Variants in SUPT3H observed in about 807,000 individuals in gnomAD.
SUPT3H encodes transcription initiation protein SPT3 homolog.
SUPT3H carries 44 observed loss-of-function variants against 44.3 expected under a neutral mutation model. That is an observed-to-expected ratio of 0.99 (90% confidence interval 0.78 to 1.28). The LOEUF (loss-of-function observed/expected upper bound fraction) is 1.28, where lower values mean the gene tolerates loss of function less well. SUPT3H is among the 50% of genes most tolerant of loss of function. The pLI is 0.00. For missense variants in SUPT3H, 380 were observed against 387.1 expected (o/e 0.98, Z 0.15); for synonymous variants, 124 against 125.6 (o/e 0.99, Z 0.09).
rs950532359 is a variant in SUPT3H, at chr6:45,288,736, A to G, written c.101+76465T>C. 2.7e-5 allele frequency among the ~76,000 whole-genome samples: 4 copies of G among 150,860 alleles called. No homozygotes were observed. In the East Asian group the frequency reaches 7.8e-4, roughly 29 times the overall value. On this transcript the variant is annotated intron_variant, in intron 2 of 10. Coordinates refer to ENST00000371459, the MANE Select transcript of SUPT3H (RefSeq NM_003599.4). Reference sequence around the variant, plus strand: ...CTGTGGGATACTTTAATATATTCTAAATATTCACCGTTTGATAAAGACAAA... The same window carrying G: ...CTGTGGGATACTTTAATATATTCTAGATATTCACCGTTTGATAAAGACAAA...
intron 10 of SUPT3H, among the ~76,000 whole-genome samples, chr6:44,901,402 C>G (rs1003628439): frequency 6.6e-6 from 1 of 151,962 alleles, no homozygotes; most frequent in African/African-American, 2.4e-5. Flanking sequence ...CCGATATGAT[C>G]GACTGGAAGA....
chr6:45,353,601 C>A (rs1026138093), intron 2 of SUPT3H, among the ~76,000 whole-genome samples: 1 of 151,904 alleles, frequency 6.6e-6, no homozygotes, highest in African/African-American at 2.4e-5. Context: ...TAACTTAGAA[C>A]CCTCCCTGAC....
chr6:44,879,055 C>G (rs919588637), intron 10 of SUPT3H, among the ~76,000 whole-genome samples: 1 of 152,128 alleles, frequency 6.6e-6, no homozygotes, highest in Non-Finnish European at 1.5e-5. Context: ...CCAGTGACAC[C>G]TGGAATGCCA....
intron 2 of SUPT3H, among the ~76,000 whole-genome samples, chr6:45,169,950 A>G (rs1299675066): frequency 3.3e-5 from 5 of 152,184 alleles, no homozygotes; most frequent in Admixed American, 3.3e-4. Flanking sequence ...TTTACTTTTG[A>G]GTCTGGCAGC....
chr6:45,330,393 C>T (rs1434746899), intron 2 of SUPT3H, among the ~76,000 whole-genome samples: 1 of 151,938 alleles, frequency 6.6e-6, no homozygotes, highest in Non-Finnish European at 1.5e-5. Context: ...TACTGTTACA[C>T]AGAGGGATAA....
intron 2 of SUPT3H, among the ~76,000 whole-genome samples, chr6:45,142,764 A>AAAAAAAAAG (rs1805441110): frequency 2.4e-5 from 3 of 127,032 alleles, no homozygotes; most frequent in African/African-American, 5.8e-5. Context: ...AAAAAAAAAA[A>AAAAAAAAAG]GCAGAATGGC....
chr6:45,014,958 T>C, intron 4 of SUPT3H, 67 bp from the exon 5 acceptor site: 1 of 907,924 alleles, frequency 1.1e-6, no homozygotes, highest in South Asian at 2.6e-5. Flanking sequence ...GATTAAAGAC[T>C]ACTATAACCA....
chr6:45,143,141 A>G (rs1805517084), intron 2 of SUPT3H, among the ~76,000 whole-genome samples: 1 of 152,278 alleles, frequency 6.6e-6, no homozygotes, highest in East Asian at 1.9e-4. Context: ...TGACAGCACT[A>G]GACAGGTCAT....
At chr6:45,031,248 TTAAG>T (rs1356925987) in intron 3 of SUPT3H, among the ~76,000 whole-genome samples, 1 of 152,200 alleles carries the variant, frequency 6.6e-6, no homozygotes, top group African/African-American at 2.4e-5. Flanking sequence ...CAAATTATTA[TTAAG>T]TATTAATGAC....
chr6:45,085,362 A>G (rs1796360688), intron 3 of SUPT3H, among the ~76,000 whole-genome samples: 1 of 152,176 alleles, frequency 6.6e-6, no homozygotes, highest in Non-Finnish European at 1.5e-5. Context: ...TGTGTGTGAC[A>G]TTCTCAAATG....
At chr6:45,163,491 AAAGCTGGATTATTG>A (rs1344547651) in intron 2 of SUPT3H, among the ~76,000 whole-genome samples, 1 of 152,150 alleles carries the variant, frequency 6.6e-6, no homozygotes, top group Non-Finnish European at 1.5e-5. Context: ...AACTTACGTA[AAAGCTGGATTATTG>A]GCTATGTCAA....
intron 10 of SUPT3H, among the ~76,000 whole-genome samples, chr6:44,919,016 T>A (rs3901998): frequency 6.6e-6 from 1 of 152,206 alleles, no homozygotes; most frequent in South Asian, 2.1e-4. Flanking sequence ...ATGAACTACA[T>A]AGCAAGTCTC....
intron 2 of SUPT3H, among the ~76,000 whole-genome samples, chr6:45,220,399 G>T (rs1765835220): frequency 6.6e-6 from 1 of 151,866 alleles, no homozygotes; most frequent in African/African-American, 2.4e-5. Flanking sequence ...AAAAAAATCT[G>T]ACAAAATCCA....
intron 10 of SUPT3H, among the ~76,000 whole-genome samples, chr6:44,849,896 T>G (rs1772591286): frequency 6.6e-6 from 1 of 152,228 alleles, no homozygotes; most frequent in Non-Finnish European, 1.5e-5. Flanking sequence ...TTCATACTGT[T>G]GGCAATGTAT....
At chr6:44,843,948 C>T (rs1037417297) in intron 10 of SUPT3H, among the ~76,000 whole-genome samples, 1 of 151,340 alleles carries the variant, frequency 6.6e-6, no homozygotes, top group African/African-American at 2.4e-5. Flanking sequence ...CACACACACA[C>T]ACACACACAC....
intron 2 of SUPT3H, among the ~76,000 whole-genome samples, chr6:45,358,691 T>C (rs1472557715): frequency 6.6e-6 from 1 of 152,196 alleles, no homozygotes; most frequent in Non-Finnish European, 1.5e-5. Context: ...CAGTCTCTTA[T>C]CTGAAATATG....
At chr6:44,841,126 T>A (rs1456426714) in intron 10 of SUPT3H, among the ~76,000 whole-genome samples, 1 of 152,236 alleles carries the variant, frequency 6.6e-6, no homozygotes, top group Non-Finnish European at 1.5e-5. Flanking sequence ...TGGAGAACCA[T>A]GAGCCAATAA....
chr6:45,343,762 A>G (rs1446732697), intron 2 of SUPT3H, among the ~76,000 whole-genome samples: 12 of 152,338 alleles, frequency 7.9e-5, no homozygotes, highest in Admixed American at 7.8e-4. Flanking sequence ...ACAGCTATCC[A>G]GTAGCTCTGA....
At chr6:44,927,782 T>C (rs1011779677) in intron 10 of SUPT3H, among the ~76,000 whole-genome samples, 4 of 152,228 alleles carry the variant, frequency 2.6e-5, no homozygotes, top group African/African-American at 9.6e-5. Flanking sequence ...TACAAACTAT[T>C]AGTCCATAAA....
Sources: gnomAD v4.1 joint callset for allele counts (sites outside exome capture counted in the v4.1 genomes callset) on GRCh38, gnomAD v4.1.1 for gene constraint, MANE v1.5 for transcripts, NCBI Gene and HGNC (gene_info 2026-07-23, HGNC 2026-07-21) for gene names.